Variants in SLC11A2 observed in about 807,000 individuals in gnomAD.
SLC11A2 encodes the protein solute carrier family 11 member 2, also known as natural resistance-associated macrophage protein 2.
A neutral mutation model predicts 68.0 loss-of-function variants in SLC11A2; 38 were observed. The observed-to-expected ratio is 0.56, with a 90% CI of 0.43 to 0.73. The LOEUF (loss-of-function observed/expected upper bound fraction) is 0.73. SLC11A2 is among the 30% of genes least tolerant of loss of function. SLC11A2 has a pLI of 0.00. For synonymous variants in SLC11A2, 242 were observed against 250.6 expected, an observed-to-expected ratio of 0.97 and a Z score of 0.32; for missense variants, 517 against 690.5, an observed-to-expected ratio of 0.75 and a Z score of 2.82.
At chr12:50,994,494 G>A in intron 11 of SLC11A2, 50 bp downstream of exon 11, 1 of 1,187,040 alleles carries the variant, frequency 8.4e-7, no homozygotes, top group Non-Finnish European at 1.3e-6. Flanking sequence ...CACATACTAT[G>A]CTAAAAATAC....
chr12:50,962,525 C>T, the SLC11A2 span, among the ~76,000 whole-genome samples: 1 of 151,812 alleles, frequency 6.6e-6, no homozygotes, highest in African/African-American at 2.4e-5. Flanking sequence ...CATGGTGAAA[C>T]CCTATCTCTA....
rs1238153516 is a variant in SLC11A2, at chr12:50,987,690, G to A, written c.*635C>T. 7.8e-7 allele frequency: 1 copy of A among 1,286,946 alleles called. No individual in the cohort carries two copies. Among genetic ancestry groups the A allele is most frequent in the Non-Finnish European group, 1.0e-6 (1 of 988,590 alleles). 79.7% of individuals were successfully genotyped at this position (1,286,946 alleles called of 1,614,324 possible). On this transcript the variant is annotated 3_prime_UTR_variant, in exon 16 of 16. Coordinates refer to ENST00000262052, the MANE Select transcript of SLC11A2 (RefSeq NM_000617.3). The stretch of plus-strand genomic sequence containing the variant: ...TAGCGATGTGGTGCTGGTTTTGTTA[G>A]TTGTCAGTTTTTCCCCTTCTTTGTT...
chr12:50,962,930 C>A, the SLC11A2 span, among the ~76,000 whole-genome samples: 1 of 152,098 alleles, frequency 6.6e-6, no homozygotes, highest in Non-Finnish European at 1.5e-5. Context: ...GTAGGCGAAT[C>A]AGTGTTTGAG....
intron 6 of SLC11A2, 36 bp from the exon 7 acceptor site, chr12:50,999,451 G>A (rs138649224): frequency 9.3e-4 from 1,390 of 1,497,470 alleles, no homozygotes; most frequent in Non-Finnish European, 1.2e-3. Context: ...TCAGAGAGAC[G>A]GAAAGAAAGG....
In SLC11A2 at chr12:51,026,379, C is replaced by G; in HGVS notation, c.-108G>C. On this transcript the variant is annotated 5_prime_UTR_variant, in exon 1 of 16. Transcript: ENST00000262052. ...GGCTCCATATTCCGGGAGCCAGCGC[C>G]ACGCTGGCTAACGCCCTCCCCTCCC... The G allele has an allele frequency of 7.8e-7, 1 of 1,277,880 alleles. No individual in the cohort carries two copies. Among genetic ancestry groups the G allele is most frequent in the Non-Finnish European group, 1.0e-6 (1 of 980,756 alleles). The allele number at this position is 1,277,880 out of a possible 1,614,324, so 79.2% of individuals were successfully genotyped here. A position where few individuals can be genotyped will look rare whatever the true frequency, so the allele number is the denominator to read the frequency against.
At chr12:51,015,250 C>T (rs1272362592) in intron 1 of SLC11A2, among the ~76,000 whole-genome samples, 1 of 150,964 alleles carries the variant, frequency 6.6e-6, no homozygotes, top group Non-Finnish European at 1.5e-5. Context: ...CTGAGGCAGG[C>T]GGATCACCTG....
chr12:50,993,992 CAAAAAA>C (rs71663850), intron 11 of SLC11A2, among the ~76,000 whole-genome samples: 500 of 48,402 alleles, frequency 0.01, 8 homozygotes, highest in African/African-American at 0.035. Flanking sequence ...ACCTTGTCTC[CAAAAAA>C]AAAAAAAAAA....
chr12:50,992,474 T>TA, intron 12 of SLC11A2, 135 bp from the exon 13 acceptor site: 2 of 813,724 alleles, frequency 2.5e-6, no homozygotes, highest in Non-Finnish European at 2.0e-6. Context: ...CTCACGCCTG[T>TA]AATCCCAGCA....
chr12:51,011,841 T>C (rs1592412773), intron 1 of SLC11A2, among the ~76,000 whole-genome samples: 1 of 152,082 alleles, frequency 6.6e-6, no homozygotes, highest in East Asian at 1.9e-4. Context: ...ATTACAGGCA[T>C]GAGCCACCAC....
chr12:50,996,692 G>C, intron 9 of SLC11A2, 125 bp downstream of exon 9: 1 of 945,882 alleles, frequency 1.1e-6, no homozygotes, highest in Non-Finnish European at 1.7e-6. Flanking sequence ...TAAATGTCCA[G>C]GCTTGGAAAA....
At chr12:51,018,578 A>G (rs533596948) in intron 1 of SLC11A2, among the ~76,000 whole-genome samples, 18 of 152,096 alleles carry the variant, frequency 1.2e-4, no homozygotes, top group African/African-American at 4.3e-4. Flanking sequence ...GCAGAGTTCA[A>G]TGCCAGCCTG....
chr12:51,002,829 A>T (rs1025462849), intron 5 of SLC11A2, among the ~76,000 whole-genome samples: 1 of 151,804 alleles, frequency 6.6e-6, no homozygotes, highest in African/African-American at 2.4e-5. Context: ...AGTCCCAGCT[A>T]CTCAGGAGGC....
At chr12:51,016,779 G>A (rs1023091523) in intron 1 of SLC11A2, among the ~76,000 whole-genome samples, 7 of 150,034 alleles carry the variant, frequency 4.7e-5, no homozygotes, top group East Asian at 1.9e-4. Flanking sequence ...CCTGGGAGGC[G>A]GAGGTTGCAA....
In SLC11A2 at chr12:51,010,670, A is replaced by C; in HGVS notation, c.34+25T>G. The C allele has an allele frequency of 1.1e-5, 14 of 1,302,464 alleles. 1 individual carries two copies. The highest frequency in any genetic ancestry group is 1.6e-5 in the Non-Finnish European group (14 of 892,164). The allele number at this position is 1,302,464 out of a possible 1,614,324, so 80.7% of individuals were successfully genotyped here. Reference sequence around the variant, plus strand: ...TAAACCTAATTACAAATAAAATTAGACAATAACACAAAGCGGTAAATTACC... The same window carrying C: ...TAAACCTAATTACAAATAAAATTAGCCAATAACACAAAGCGGTAAATTACC... On this transcript the variant is annotated intron_variant, in intron 2 of 15. Coordinates refer to ENST00000262052, the MANE Select transcript of SLC11A2 (RefSeq NM_000617.3).
chr12:51,013,389 C>G (rs1333625678), intron 1 of SLC11A2, among the ~76,000 whole-genome samples: 3 of 149,198 alleles, frequency 2.0e-5, no homozygotes, highest in Non-Finnish European at 4.4e-5. Context: ...TTCCTAGGTT[C>G]AAGTGATTCT....
At position 51,013,020 on chromosome 12, in the gene SLC11A2, C is replaced by T. The variant is rs568708006; in HGVS notation, c.-38-2254G>A. On this transcript the variant is annotated intron_variant, in intron 1 of 15. Transcript: ENST00000262052. ...ACTTTTGTTTTACATATAATTGTAA[C>T]AAACTAATGTTATCAGATTGTCTTA... Among the ~76,000 whole-genome samples, 6 of 152,276 alleles carry T rather than the reference C, an allele frequency of 3.9e-5. No individual in the cohort carries two copies. In the East Asian group the frequency reaches 7.7e-4, roughly 20 times the overall value.
rs1592404292 is a variant in SLC11A2, at chr12:51,010,406, T to C, written c.34+289A>G. On this transcript the variant is annotated intron_variant, in intron 2 of 15. Transcript: ENST00000262052. ...TGTGGCGTGTGCCTTTAGTCACAGC[T>C]ACTCGGGAGGCTGAAGCAGGAGCAT... Among the ~76,000 whole-genome samples the C allele has an allele frequency of 1.3e-5, 2 of 151,316 alleles. 1 individual carries two copies. Among genetic ancestry groups the C allele is most frequent in the Admixed American group, 1.3e-4 (2 of 15,100 alleles).
At chr12:50,962,043 G>T in the SLC11A2 span, among the ~76,000 whole-genome samples, 1 of 152,174 alleles carries the variant, frequency 6.6e-6, no homozygotes, top group Non-Finnish European at 1.5e-5. Flanking sequence ...TAGGAAGACA[G>T]ACCAAGAAAG....
chr12:50,964,492 A>G, the SLC11A2 span, among the ~76,000 whole-genome samples: 1 of 152,226 alleles, frequency 6.6e-6, no homozygotes, highest in Non-Finnish European at 1.5e-5. Flanking sequence ...TTTCCCCTTG[A>G]TGTTCAGAAC....
Sources: gnomAD v4.1 joint callset for allele counts (sites outside exome capture counted in the v4.1 genomes callset) on GRCh38, gnomAD v4.1.1 for gene constraint, MANE v1.5 for transcripts, NCBI Gene and HGNC (gene_info 2026-07-23, HGNC 2026-07-21) for gene names.